ADGRA3: variants seen among roughly 807,000 people sequenced by gnomAD.
The protein encoded by ADGRA3 is G-protein coupled receptor 125.
ADGRA3 carries 56 observed loss-of-function variants against 119.8 expected under a neutral mutation model. That is an observed-to-expected ratio of 0.47 (90% CI 0.38 to 0.58). The LOEUF is 0.58. Among genes scored for constraint, ADGRA3 ranks in the 20% least tolerant of loss-of-function variants. The pLI is 0.00. For missense variants in ADGRA3, 1,516 were observed against 1,649.0 expected (o/e 0.92, Z 1.40); for synonymous variants, 607 against 623.8 (o/e 0.97, Z 0.40).
intron 1 of ADGRA3, among the ~76,000 whole-genome samples, chr4:22,513,864 A>AAAAAAAAAAAAAAAAAAAAAAAAAAAAT (rs1560356076): frequency 6.6e-6 from 1 of 151,172 alleles, no homozygotes; most frequent in African/African-American, 2.4e-5. Flanking sequence ...AAAAAAAAAA[A>AAAAAAAAAAAAAAAAAAAAAAAAAAAAT]AAAAAAAAAA....
intron 1 of ADGRA3, among the ~76,000 whole-genome samples, chr4:22,487,206 A>T (rs925647265): frequency 6.6e-6 from 1 of 152,194 alleles, no homozygotes; most frequent in Admixed American, 6.6e-5. Context: ...TATTGTTTAG[A>T]TAAGTATTTT....
intron 1 of ADGRA3, among the ~76,000 whole-genome samples, chr4:22,514,035 T>C (rs952782199): frequency 2.6e-5 from 4 of 152,070 alleles, no homozygotes; most frequent in African/African-American, 9.7e-5. Flanking sequence ...GTTGACCTAA[T>C]CCAGCTGAAA....
rs116178485 is a variant in ADGRA3, at chr4:22,481,639, C to T, written c.258-7796G>A. 6.2e-3 allele frequency among the ~76,000 whole-genome samples: 944 copies of T among 152,170 alleles called. 11 individuals are homozygous for T. The highest frequency in any genetic ancestry group is 0.021 in the African/African-American group (884 of 41,510). On this transcript the variant is annotated intron_variant, in intron 1 of 18. Transcript: ENST00000334304. ...TGAAAGTTTTACAGAGTAAAACAGA[C>T]GTGTACAAAGGATTTCCTCTTTCAG...
chr4:22,414,453 C>T (rs9992521), intron 12 of ADGRA3: 50,804 of 447,272 alleles, frequency 0.11, 7,046 homozygotes, highest in African/African-American at 0.41. Context: ...TTTTAAATAA[C>T]AAATTATTCA....
intron 1 of ADGRA3, among the ~76,000 whole-genome samples, chr4:22,512,968 A>C (rs897041546): frequency 1.3e-5 from 2 of 152,168 alleles, no homozygotes; most frequent in Non-Finnish European, 2.9e-5. Context: ...TCTGAACTGC[A>C]GGACAGGAAT....
intron 4 of ADGRA3, among the ~76,000 whole-genome samples, chr4:22,452,870 A>G (rs1318420467): frequency 6.6e-6 from 1 of 152,146 alleles, no homozygotes; most frequent in Non-Finnish European, 1.5e-5. Flanking sequence ...TACTTCACAG[A>G]TGTATGGTTT....
intron 14 of ADGRA3, 88 bp downstream of exon 14, chr4:22,413,094 A>G (rs950314405): frequency 1.7e-5 from 18 of 1,062,348 alleles, no homozygotes; most frequent in East Asian, 4.8e-5. Flanking sequence ...AAAAAAAACA[A>G]AAAACAAAAA....
chr4:22,434,573 T>C (rs939875225), intron 10 of ADGRA3, among the ~76,000 whole-genome samples: 2 of 152,218 alleles, frequency 1.3e-5, no homozygotes, highest in African/African-American at 4.8e-5. Flanking sequence ...AATTAATTTC[T>C]TTATAAGTGA....
chr4:22,447,214 T>C (rs1716862154), intron 5 of ADGRA3, among the ~76,000 whole-genome samples: 1 of 152,024 alleles, frequency 6.6e-6, no homozygotes, highest in Non-Finnish European at 1.5e-5. Flanking sequence ...ACTCTAAATA[T>C]AGATTAGAGT....
chr4:22,515,821 A>G lies in ADGRA3; in HGVS notation c.-37T>C. 1 of 986,138 alleles carries G rather than the reference A, an allele frequency of 1.0e-6. No individual in the cohort carries two copies. Among genetic ancestry groups the G allele is most frequent in the Non-Finnish European group, 1.2e-6 (1 of 832,396 alleles). The allele number at this position is 986,138 out of a possible 1,614,324, so 61.1% of individuals were successfully genotyped here. On this transcript the variant is annotated 5_prime_UTR_variant, in exon 1 of 19. Coordinates refer to ENST00000334304, the MANE Select transcript of ADGRA3 (RefSeq NM_145290.4). ...GGGCCTGCGGGGCGAGCGGCGGCGC[A>G]CTGGCCTAGCGGGCCGCCCCGGAGC...
chr4:22,513,845 CAAAA>C (rs59015584), intron 1 of ADGRA3, among the ~76,000 whole-genome samples: 325 of 31,426 alleles, frequency 0.01, no homozygotes, highest in African/African-American at 0.03. Context: ...AGCTTTCAGG[CAAAA>C]AAAAAAAAAA....
At chr4:22,461,615 G>T in intron 3 of ADGRA3, 122 bp downstream of exon 3, 1 of 648,502 alleles carries the variant, frequency 1.5e-6, no homozygotes, top group East Asian at 2.9e-5. Context: ...CTGTATCAGG[G>T]ACCTGGCCAG....
intron 1 of ADGRA3, among the ~76,000 whole-genome samples, chr4:22,506,749 G>GAA (rs34984034): frequency 2.0e-5 from 3 of 147,478 alleles, no homozygotes; most frequent in Non-Finnish European, 3.0e-5. Context: ...AGTCAAGACG[G>GAA]AAAAAAAAAA....
chr4:22,401,990 C>T (rs180685512), intron 15 of ADGRA3, among the ~76,000 whole-genome samples: 1 of 152,064 alleles, frequency 6.6e-6, no homozygotes, highest in African/African-American at 2.4e-5. Flanking sequence ...CCTGGACTTT[C>T]ATAATAAAAT....
chr4:22,420,451 T>G (rs918774373), intron 12 of ADGRA3: 8 of 178,404 alleles, frequency 4.5e-5, no homozygotes, highest in African/African-American at 1.9e-4. Context: ...ATTAAACACC[T>G]GGTCTCAGGG....
In ADGRA3 at chr4:22,424,222, C is replaced by T. The variant is rs754246566; in HGVS notation, c.1574G>A (p.Arg525Gln). Residue 525 changes from arginine to glutamine, a missense_variant, in exon 11 of 19, where the codon CGG (arginine) becomes CAG (glutamine). By Grantham distance (43) the Arg-to-Gln change is conservative (BLOSUM62 1). Coordinates refer to ENST00000334304, the MANE Select transcript of ADGRA3 (RefSeq NM_145290.4). ...ATAAACGTGAGCTCCACCGGCTAGC[C>T]GGTAGGTAGCAATGCGCTGAAGACA... ...VQCLQRIATY[R>Q]LAGGAHVYST... The T allele has an allele frequency of 3.9e-5, 63 of 1,612,202 alleles. No homozygotes were observed. The highest frequency in any genetic ancestry group is 9.9e-5 in the South Asian group (9 of 90,910).
chr4:22,402,480 A>T (rs530008340), intron 15 of ADGRA3, among the ~76,000 whole-genome samples, 195 bp downstream of exon 15: 14 of 152,184 alleles, frequency 9.2e-5, no homozygotes, highest in Non-Finnish European at 2.1e-4. Context: ...CTGTAAAAAC[A>T]GAATTTATCA....
chr4:22,412,713 G>C (rs1188920469), intron 14 of ADGRA3, among the ~76,000 whole-genome samples: 1 of 152,106 alleles, frequency 6.6e-6, no homozygotes, highest in East Asian at 1.9e-4. Context: ...ACTGTCACTT[G>C]CAATGACAAA....
In ADGRA3 at chr4:22,436,621, C is replaced by G. The variant is rs776553108; in HGVS notation, c.1106G>C (p.Gly369Ala). 6.2e-7 allele frequency: 1 copy of G among 1,613,988 alleles called. No individual in the cohort carries two copies. Among genetic ancestry groups the G allele is most frequent in the Non-Finnish European group, 8.5e-7 (1 of 1,179,896 alleles). Residue 369 changes from glycine (G) to alanine (A), a missense_variant, in exon 9 of 19, where the codon GGC (glycine) becomes GCC (alanine). Transcript: ENST00000334304. ...CGTACACTGCAGATATGCAGTAATG[C>G]CTGCCAATGTTCTGGGCCATCTAGA... The part of the protein sequence containing the change: ...GDFRWPRTLA[G>A]ITAYLQCTRN...
Sources: allele counts gnomAD v4.1 joint callset (sites outside exome capture counted in the v4.1 genomes callset), GRCh38; gene constraint gnomAD v4.1.1; transcripts MANE v1.5; gene names NCBI Gene and HGNC (gene_info 2026-07-23, HGNC 2026-07-21).